Variants in UTP20 observed in about 807,000 individuals in gnomAD.
The protein encoded by UTP20 is UTP20 small subunit processome component.
In UTP20, 164 loss-of-function variants were observed where a neutral mutation model predicts 329.5. The observed-to-expected ratio is 0.50, with a 90% CI of 0.44 to 0.57. The LOEUF is 0.57. Among genes scored for constraint, UTP20 ranks in the 20% least tolerant of loss-of-function variants. UTP20 has a pLI of 0.00. For synonymous variants in UTP20, 1,151 were observed against 1,159.3 expected (o/e 0.99, Z 0.14); for missense variants, 3,055 against 3,284.2 (o/e 0.93, Z 1.71).
intron 54 of UTP20, 148 bp from the exon 55 acceptor site, chr12:101,374,660 G>T: frequency 3.6e-6 from 2 of 562,096 alleles, no homozygotes; most frequent in Non-Finnish European, 3.1e-6. Flanking sequence ...GGCCATCAAA[G>T]CTCCATAATT....
At chr12:101,290,371 A>G in intron 7 of UTP20, 97 bp downstream of exon 7, 1 of 1,392,302 alleles carries the variant, frequency 7.2e-7, no homozygotes, top group Non-Finnish European at 9.6e-7. Flanking sequence ...GACAGCCTAG[A>G]GTACATAGCA....
rs764532586 is a variant in UTP20 at position 101,342,825 on chromosome 12, T to G, written c.4284T>G (p.Thr1428=). ...TTGAGAGTGGGTTAAAATATATTAC[T>G]GATGTTGTCAAGGTAAGAAAGAAGG... ...SDFESGLKYI[T]DVVKLNAFDQ... Residue 1428 remains threonine, a synonymous_variant, in exon 34 of 62, where the codon ACT becomes ACG. Coordinates refer to ENST00000261637, the MANE Select transcript of UTP20 (RefSeq NM_014503.3). 6.2e-7 allele frequency: 1 copy of G among 1,613,462 alleles called. No homozygotes were observed.
chr12:101,381,085 A>G (rs1870630526), intron 57 of UTP20, 55 bp from the exon 58 acceptor site: 1 of 1,463,042 alleles, frequency 6.8e-7, no homozygotes, highest in Non-Finnish European at 9.6e-7. Context: ...AGCTTTTTAA[A>G]AACAATCAGA....
chr12:101,332,483 C>T (rs1218972319), intron 27 of UTP20, among the ~76,000 whole-genome samples: 1 of 152,160 alleles, frequency 6.6e-6, no homozygotes, highest in Non-Finnish European at 1.5e-5. Flanking sequence ...AGTAGGGACT[C>T]AATAAATTGT....
At chr12:101,370,043 G>A (rs1449326115) in intron 49 of UTP20, 152 bp downstream of exon 49, 5 of 600,736 alleles carry the variant, frequency 8.3e-6, no homozygotes, top group Admixed American at 3.2e-5. Context: ...ACGAGACCCC[G>A]TGTCTACATA....
chr12:101,381,081 T>G (rs1870630441), intron 57 of UTP20, 59 bp from the exon 58 acceptor site: 11 of 1,438,126 alleles, frequency 7.6e-6, no homozygotes, highest in South Asian at 5.7e-5. Context: ...GTTTAGCTTT[T>G]TAAAAACAAT....
intron 29 of UTP20, among the ~76,000 whole-genome samples, chr12:101,334,968 C>G (rs1300552575): frequency 6.8e-6 from 1 of 146,760 alleles, no homozygotes; most frequent in African/African-American, 2.5e-5. Context: ...GAGACCCTGT[C>G]TCAAAAAAAA....
intron 30 of UTP20, 68 bp from the exon 31 acceptor site, chr12:101,338,745 T>C (rs1207371368): frequency 1.5e-6 from 2 of 1,349,224 alleles, no homozygotes; most frequent in East Asian, 5.3e-5. Context: ...CTTATCATCA[T>C]GAAGATTTTG....
chr12:101,308,192 G>T lies in UTP20; in HGVS notation c.2003G>T (p.Gly668Val). The part of the protein sequence containing the change: ...VQLPESMEDD[G>V]LSERQSVFAI... ...TTTTCTCTGGTTATTCAGGATGATG[G>T]GCTCTCAGAGCGGCAGTCTGTCTTT... The change falls in exon 18 of 62, where the codon GGG (glycine) becomes GTG (valine). Residue 668 changes from glycine to valine, a missense_variant. Physicochemically the swap from Gly to Val is moderately radical, Grantham distance 109. Around this residue, in one of 3 missense-constraint regions of UTP20, gnomAD observed 2,445 missense variants for 2,575.5 expected, o/e 0.95. Transcript: ENST00000261637. 1.2e-6 allele frequency: 2 copies of T among 1,605,300 alleles called. No homozygotes were observed. The highest frequency in any genetic ancestry group is 1.7e-6 in the Non-Finnish European group (2 of 1,176,286).
chr12:101,379,046 C>T (rs970082052), intron 56 of UTP20, among the ~76,000 whole-genome samples: 2 of 152,128 alleles, frequency 1.3e-5, no homozygotes, highest in African/African-American at 2.4e-5. Flanking sequence ...GAATATCCTT[C>T]CCCTTGAACA....
At chr12:101,371,489 C>G (rs1870286392) in intron 51 of UTP20, among the ~76,000 whole-genome samples, 1 of 149,170 alleles carries the variant, frequency 6.7e-6, no homozygotes, top group Non-Finnish European at 1.5e-5. Context: ...TTGGGCAGGA[C>G]CTTGTGGTCT....
intron 21 of UTP20, among the ~76,000 whole-genome samples, chr12:101,315,331 A>G (rs950966957): frequency 1.3e-5 from 2 of 151,976 alleles, no homozygotes; most frequent in African/African-American, 2.4e-5. Context: ...CAAAAATACA[A>G]AAATTAGCCG....
chr12:101,331,420 T>G (rs972121157), intron 27 of UTP20, among the ~76,000 whole-genome samples: 1 of 152,244 alleles, frequency 6.6e-6, no homozygotes, highest in Non-Finnish European at 1.5e-5. Context: ...ATGAAAATAT[T>G]GCTAGTAGAA....
chr12:101,308,638 A>G (rs1456166619), intron 18 of UTP20, among the ~76,000 whole-genome samples: 1 of 151,864 alleles, frequency 6.6e-6, no homozygotes, highest in East Asian at 1.9e-4. Context: ...TGACGCAGGT[A>G]GGTAGGTAGG....
At chr12:101,382,903 A>T in intron 58 of UTP20, 138 bp from the exon 59 acceptor site, 1 of 946,152 alleles carries the variant, frequency 1.1e-6, no homozygotes, top group Non-Finnish European at 1.5e-6. Context: ...ATCATTTAAT[A>T]GTTGTTAAAT....
rs1016635103 is a variant in UTP20, at chr12:101,324,858, A to G, written c.3042-2223A>G. On this transcript the variant is annotated intron_variant, in intron 25 of 61. Transcript: ENST00000261637. ...ATCATTCCTTTTTTGTAGTCTTTCA[A>G]TAAAGTGTTTTCATTTTATAACTAC... Among the ~76,000 whole-genome samples, 6 of 152,280 alleles carry G rather than the reference A, an allele frequency of 3.9e-5. No individual in the cohort carries two copies. In the East Asian group the frequency reaches 7.7e-4, roughly 20 times the overall value.
chr12:101,333,521 C>T (rs1358495564), intron 28 of UTP20, 77 bp downstream of exon 28: 2 of 1,530,148 alleles, frequency 1.3e-6, no homozygotes, highest in Non-Finnish European at 1.8e-6. Flanking sequence ...ATAGCTACCA[C>T]CCAGACATGA....
rs188683256 is a variant in UTP20 at position 101,363,783 on chromosome 12, A to G, written c.5958+40A>G. 7,826 of 1,348,476 alleles carry G rather than the reference A, an allele frequency of 5.8e-3. 43 individuals carry two copies. Among genetic ancestry groups the G allele is most frequent in the Non-Finnish European group, 7.0e-3 (6,643 of 943,292 alleles). The allele number at this position is 1,348,476 out of a possible 1,614,324, so 83.5% of individuals were successfully genotyped here. On this transcript the variant is annotated intron_variant, in intron 45 of 61. Coordinates refer to ENST00000261637, the MANE Select transcript of UTP20 (RefSeq NM_014503.3). The stretch of plus-strand genomic sequence containing the variant: ...GCAATTCTGGAGATCACAGCATTAC[A>G]ATCTCATGAGTTCCTAAAAGGAACC...
chr12:101,357,521 C>T (rs1005526019), intron 43 of UTP20, among the ~76,000 whole-genome samples: 15 of 152,150 alleles, frequency 9.9e-5, no homozygotes, highest in Admixed American at 1.3e-4. Context: ...GAGGCCAAGA[C>T]GGGAGGATCA....
Sources: allele counts gnomAD v4.1 joint callset (sites outside exome capture counted in the v4.1 genomes callset), GRCh38; gene constraint gnomAD v4.1.1; regional missense constraint gnomAD v4.1.1; transcripts MANE v1.5; gene names NCBI Gene and HGNC (gene_info 2026-07-23, HGNC 2026-07-21).